ZDBF2: variants seen among roughly 807,000 people sequenced by gnomAD.
ZDBF2 encodes the protein zinc finger DBF-type containing 2, also known as DBF4-type zinc finger-containing protein 2.
A neutral mutation model predicts 9.4 loss-of-function variants in ZDBF2; 6 were observed. The observed-to-expected ratio is 0.64, with a 90% confidence interval of 0.35 to 1.27. The LOEUF is 1.27. Ranked by LOEUF, ZDBF2 falls within the 50% of genes most tolerant of loss-of-function variation. The pLI, the probability that ZDBF2 is intolerant of heterozygous loss-of-function variation, is 0.03. For synonymous variants in ZDBF2, 905 were observed against 946.3 expected, an observed-to-expected ratio of 0.96 and a Z score of 0.80; for missense variants, 2,697 against 2,766.8, an observed-to-expected ratio of 0.97 and a Z score of 0.57.
rs746101016 is a variant in ZDBF2, at chr2:206,309,950, A to G, written c.5422A>G (p.Ile1808Val). ...GAACCTGAAAAAAGCAAAGGATGTC[A>G]TAGAGGATAATCCTGATGAACCAGT... is the stretch of plus-strand genomic sequence containing the variant. ...VRNLKKAKDVIEDNPDEPVLE... is the reference protein window; with the variant it reads ...VRNLKKAKDVVEDNPDEPVLE... Residue 1808 changes from isoleucine to valine, a missense_variant, in exon 5 of 5, where the codon ATA becomes GTA. Physicochemically the swap from Ile to Val is conservative, Grantham distance 29 (BLOSUM62 3). Coordinates refer to ENST00000374423, the MANE Select transcript of ZDBF2 (RefSeq NM_020923.3). 2 of 1,613,856 alleles carry G rather than the reference A, an allele frequency of 1.2e-6. No individual in the cohort carries two copies. Among genetic ancestry groups the G allele is most frequent in the Non-Finnish European group, 1.7e-6 (2 of 1,179,854 alleles).
rs1353631989 is a variant in ZDBF2, at chr2:206,304,746, C to T, written c.218C>T (p.Thr73Ile). The change falls in exon 5 of 5, where the codon ACT becomes ATT. Residue 73 changes from threonine to isoleucine, a missense_variant. Thr to Ile is a moderately conservative substitution (Grantham distance 89). Around this residue, in one of 3 missense-constraint regions of ZDBF2, gnomAD observed 910 missense variants for 973.6 expected, o/e 0.93. Coordinates refer to ENST00000374423, the MANE Select transcript of ZDBF2 (RefSeq NM_020923.3). ...SSTQDETHVN[T>I]GSSSEVVHLD... ...ACACAAGATGAGACACATGTGAATA[C>T]TGGGTCATCGTCTGAAGTGGTGCAT... is the stretch of plus-strand genomic sequence containing the variant. 2 of 1,612,476 alleles carry T rather than the reference C, an allele frequency of 1.2e-6. No homozygotes were observed. Among genetic ancestry groups the T allele is most frequent in the Non-Finnish European group, 8.5e-7 (1 of 1,179,242 alleles).
At chr2:206,301,945 C>A (rs189256286) in intron 4 of ZDBF2, among the ~76,000 whole-genome samples, 1 of 148,784 alleles carries the variant, frequency 6.7e-6, no homozygotes, top group East Asian at 2.0e-4. Flanking sequence ...GTTTTTATTT[C>A]TTTTAGATAA....
chr2:206,276,794 C>T (rs570382829), intron 1 of ZDBF2, among the ~76,000 whole-genome samples: 4 of 152,272 alleles, frequency 2.6e-5, no homozygotes, highest in African/African-American at 9.6e-5. Flanking sequence ...GTTGACAGAG[C>T]GCCTGGCTCA....
At position 206,307,835 on chromosome 2, in the gene ZDBF2, G is replaced by A; in HGVS notation, c.3307G>A (p.Gly1103Ser). ...KIDQWKEEVI[G>S]LKNKINEPST... ...AGACCAATGGAAGGAAGAGGTTATT[G>A]GCCTGAAAAATAAGATTAATGAACC... Residue 1103 changes from glycine to serine, a missense_variant, in exon 5 of 5, where the codon GGC becomes AGC. Gly to Ser is a moderately conservative substitution (Grantham distance 56). Transcript: ENST00000374423. The A allele has an allele frequency of 6.2e-7, 1 of 1,611,970 alleles. No homozygotes were observed. The highest frequency in any genetic ancestry group is 2.2e-5 in the East Asian group (1 of 44,868).
rs1693044711 is a variant in ZDBF2, at chr2:206,309,712, A to G, written c.5184A>G (p.Lys1728=). The G allele has an allele frequency of 6.2e-7, 1 of 1,613,804 alleles. No individual in the cohort carries two copies. The highest frequency in any genetic ancestry group is 8.5e-7 in the Non-Finnish European group (1 of 1,179,878). Residue 1728 remains lysine (K), a synonymous_variant, in exon 5 of 5, where the codon AAA becomes AAG. Coordinates refer to ENST00000374423, the MANE Select transcript of ZDBF2 (RefSeq NM_020923.3). Reference sequence around the variant, plus strand: ...TCCATCGAAGGGCTGATAAAAAAAAACGTTCGAAGCTAAAACATAGAGATC... The same window carrying G: ...TCCATCGAAGGGCTGATAAAAAAAAGCGTTCGAAGCTAAAACATAGAGATC... ...SALHRRADKK[K]RSKLKHRDLE...
rs1174350323 is a variant in ZDBF2, at chr2:206,309,688, C to G, written c.5160C>G (p.Leu1720=). The G allele has an allele frequency of 5.6e-6, 9 of 1,613,828 alleles. No homozygotes were observed. Among genetic ancestry groups the G allele is most frequent in the Non-Finnish European group, 6.8e-6 (8 of 1,179,872 alleles). ...TTGGTGCCTCTTCCAAGTCAGCGCT[C>G]CATCGAAGGGCTGATAAAAAAAAAC... The part of the protein sequence containing the change: ...VDFGASSKSA[L]HRRADKKKRS... The change falls in exon 5 of 5, where the codon CTC becomes CTG. Residue 1720 remains leucine (L), a synonymous_variant. Transcript: ENST00000374423.
chr2:206,284,709 C>T (rs1449937390), intron 3 of ZDBF2, among the ~76,000 whole-genome samples: 1 of 152,204 alleles, frequency 6.6e-6, no homozygotes, highest in Non-Finnish European at 1.5e-5. Context: ...TCGTATTCTA[C>T]TGTGTATATA....
Position 206,306,073 on chromosome 2 carries a change from A to G in ZDBF2, c.1545A>G (p.Glu515=). 6.2e-7 allele frequency: 1 copy of G among 1,613,838 alleles called. No individual in the cohort carries two copies. Among genetic ancestry groups the G allele is most frequent in the Non-Finnish European group, 8.5e-7 (1 of 1,179,802 alleles). ...TSDYPQQSVT[E]VNLPKEVHIG... The stretch of plus-strand genomic sequence containing the variant: ...ACTACCCCCAACAATCTGTAACAGA[A>G]GTAAACCTTCCTAAGGAAGTGCACA... Residue 515 remains glutamate (E), a synonymous_variant, in exon 5 of 5, where the codon GAA becomes GAG. Transcript: ENST00000374423.
At position 206,311,013 on chromosome 2, in the gene ZDBF2, C is replaced by T. The variant is rs771883388; in HGVS notation, c.6485C>T (p.Ser2162Leu). 6.2e-7 allele frequency: 1 copy of T among 1,611,320 alleles called. No homozygotes were observed. The highest frequency in any genetic ancestry group is 8.5e-7 in the Non-Finnish European group (1 of 1,179,378). ...NHDVVKISPK[S>L]VRNKLLESQS... Reference sequence around the variant, plus strand: ...GATGTTGTCAAAATCTCTCCAAAATCAGTTAGAAATAAGCTTTTGGAAAGT... The same window carrying T: ...GATGTTGTCAAAATCTCTCCAAAATTAGTTAGAAATAAGCTTTTGGAAAGT... The change falls in exon 5 of 5, where the codon TCA becomes TTA. Residue 2162 changes from serine (S) to leucine (L), a missense_variant. By Grantham distance (145) the Ser-to-Leu change is moderately radical. Transcript: ENST00000374423.
intron 1 of ZDBF2, among the ~76,000 whole-genome samples, chr2:206,275,427 G>T (rs1479868349): frequency 6.8e-6 from 1 of 146,976 alleles, no homozygotes; most frequent in Non-Finnish European, 1.5e-5. Context: ...TCCCAGCCTC[G>T]GGCGATTATA....
intron 2 of ZDBF2, among the ~76,000 whole-genome samples, chr2:206,280,619 G>C (rs994960866): frequency 6.6e-6 from 1 of 152,130 alleles, no homozygotes; most frequent in Non-Finnish European, 1.5e-5. Context: ...CATGTTTTTT[G>C]TGTCAGAGGC....
intron 1 of ZDBF2, among the ~76,000 whole-genome samples, chr2:206,278,263 T>G (rs1438162761): frequency 6.6e-6 from 1 of 152,230 alleles, no homozygotes; most frequent in African/African-American, 2.4e-5. Flanking sequence ...AAATTAAATG[T>G]GTATTTTCTT....
At chr2:206,278,139 A>G (rs1339493256) in intron 1 of ZDBF2, among the ~76,000 whole-genome samples, 3 of 152,154 alleles carry the variant, frequency 2.0e-5, no homozygotes, top group African/African-American at 4.8e-5. Flanking sequence ...AATACGATAC[A>G]TGTTAATGGT....
Position 206,306,865 on chromosome 2 carries a change from A to G in ZDBF2, c.2337A>G (p.Glu779=). ...GAAAAGAACGGCACATTGACCTGGA[A>G]GATGAGAGCTGTGAGTCAGATAGTT... ...AEGKERHIDL[E]DESCESDSSE... is the part of the protein sequence containing the mutation. Residue 779 remains glutamate (E), a synonymous_variant, in exon 5 of 5, where the codon GAA becomes GAG. Coordinates refer to ENST00000374423, the MANE Select transcript of ZDBF2 (RefSeq NM_020923.3). 6.2e-7 allele frequency: 1 copy of G among 1,613,882 alleles called. No individual in the cohort carries two copies.
At chr2:206,298,307 C>T (rs1348378062) in intron 4 of ZDBF2, among the ~76,000 whole-genome samples, 1 of 152,094 alleles carries the variant, frequency 6.6e-6, no homozygotes, top group Non-Finnish European at 1.5e-5. Context: ...AGGTAAAAAT[C>T]GATCATTAGC....
At chr2:206,282,738 A>G (rs939780338) in intron 3 of ZDBF2, among the ~76,000 whole-genome samples, 2 of 152,204 alleles carry the variant, frequency 1.3e-5, no homozygotes, top group Non-Finnish European at 2.9e-5. Context: ...TACACCATAA[A>G]CTTGACCCTT....
chr2:206,282,434 T>C (rs1691370611), intron 3 of ZDBF2, among the ~76,000 whole-genome samples: 2 of 152,174 alleles, frequency 1.3e-5, no homozygotes, highest in South Asian at 4.1e-4. Context: ...ATCAATTCTG[T>C]ATTTTAGATT....
intron 2 of ZDBF2, among the ~76,000 whole-genome samples, chr2:206,280,866 T>C (rs566888360): frequency 6.6e-6 from 1 of 152,324 alleles, no homozygotes; most frequent in Non-Finnish European, 1.5e-5. Context: ...TTATATATTT[T>C]CCAACAGATA....
rs1419334712 is a variant in ZDBF2, at chr2:206,306,227, C to T, written c.1699C>T (p.His567Tyr). Reference protein sequence around the residue: ...VTETKLRKKAHTSLVDNYGSS... With the variant: ...VTETKLRKKAYTSLVDNYGSS... ...AGAAACAAAACTTCGGAAGAAGGCT[C>T]ATACCAGCTTGGTTGATAACTATGG... Residue 567 changes from histidine to tyrosine, a missense_variant, in exon 5 of 5, where the codon CAT (histidine) becomes TAT (tyrosine). Physicochemically the swap from His to Tyr is moderately conservative, Grantham distance 83 (BLOSUM62 2). Around this residue, in one of 3 missense-constraint regions of ZDBF2, gnomAD observed 910 missense variants for 973.6 expected, o/e 0.93. Coordinates refer to ENST00000374423, the MANE Select transcript of ZDBF2 (RefSeq NM_020923.3). 3 of 1,613,498 alleles carry T rather than the reference C, an allele frequency of 1.9e-6. No individual in the cohort carries two copies. The highest frequency in any genetic ancestry group is 2.5e-6 in the Non-Finnish European group (3 of 1,179,766).
Sources: allele counts gnomAD v4.1 joint callset (sites outside exome capture counted in the v4.1 genomes callset), GRCh38; gene constraint gnomAD v4.1.1; regional missense constraint gnomAD v4.1.1; transcripts MANE v1.5; gene names NCBI Gene and HGNC (gene_info 2026-07-23, HGNC 2026-07-21).